The following CSMD1 variants were observed in gnomAD, a reference collection of about 807,000 sequenced individuals.
The protein encoded by CSMD1 is CUB and Sushi multiple domains 1, also known as CUB and sushi domain-containing protein 1.
In CSMD1, 213 loss-of-function variants were observed where a neutral mutation model predicts 417.5. The ratio of observed to expected loss-of-function variants is 0.51; its 90% CI spans 0.46 to 0.57. CSMD1 has a LOEUF of 0.57. Among genes scored for constraint, CSMD1 ranks in the 20% least tolerant of loss-of-function variants. The probability of loss-of-function intolerance (pLI) is 0.00; values close to 1 mark genes in which losing one functional copy is unlikely to be tolerated. For missense variants in CSMD1, 6,923 were observed against 4,529.7 expected, an observed-to-expected ratio of 1.53 and a Z score of -15.17; for synonymous variants, 2,862 against 1,736.8, an observed-to-expected ratio of 1.65 and a Z score of -16.11.
At chr8:4,469,102 T>C (rs1181296832) in intron 2 of CSMD1, among the ~76,000 whole-genome samples, 1 of 151,684 alleles carries the variant, frequency 6.6e-6, no homozygotes, top group Non-Finnish European at 1.5e-5. Flanking sequence ...GTTTGAAGAG[T>C]TTGGTGTGGC....
chr8:4,603,990 C>G (rs920033640), intron 2 of CSMD1, among the ~76,000 whole-genome samples: 2 of 151,998 alleles, frequency 1.3e-5, no homozygotes, highest in South Asian at 4.1e-4. Flanking sequence ...ATGTTATAAT[C>G]TATTCACTAT....
chr8:4,113,741 G>T (rs969159511), intron 3 of CSMD1, among the ~76,000 whole-genome samples: 1 of 152,122 alleles, frequency 6.6e-6, no homozygotes, highest in African/African-American at 2.4e-5. Context: ...AGAAGAAAAT[G>T]AAACAGCCTT....
chr8:3,537,294 T>C (rs953170586), intron 10 of CSMD1, among the ~76,000 whole-genome samples: 1 of 152,216 alleles, frequency 6.6e-6, no homozygotes, highest in Non-Finnish European at 1.5e-5. Context: ...TGAGCCATCA[T>C]GCCCGGCCCG....
intron 2 of CSMD1, among the ~76,000 whole-genome samples, chr8:4,515,658 C>G (rs915685947): frequency 1.1e-4 from 17 of 152,140 alleles, no homozygotes; most frequent in African/African-American, 3.9e-4. Context: ...CGGATTCCCT[C>G]TAGGGTGTTT....
intron 10 of CSMD1, among the ~76,000 whole-genome samples, chr8:3,572,230 G>C (rs1799974607): frequency 6.6e-6 from 1 of 152,152 alleles, no homozygotes; most frequent in Non-Finnish European, 1.5e-5. Context: ...TCCAAGTGGG[G>C]CTGTGTCAAA....
At chr8:3,818,205 A>G (rs1801505431) in intron 5 of CSMD1, among the ~76,000 whole-genome samples, 1 of 151,920 alleles carries the variant, frequency 6.6e-6, no homozygotes, top group Non-Finnish European at 1.5e-5. Flanking sequence ...CTGCTCCTCC[A>G]TGAAAACGCA....
intron 1 of CSMD1, among the ~76,000 whole-genome samples, chr8:4,772,578 A>C (rs778539536): frequency 6.6e-6 from 1 of 152,230 alleles, no homozygotes; most frequent in Non-Finnish European, 1.5e-5. Flanking sequence ...GTATTGAAAA[A>C]TATCAAAGTG....
At chr8:4,422,755 C>T (rs1022802499) in intron 2 of CSMD1, among the ~76,000 whole-genome samples, 1 of 152,050 alleles carries the variant, frequency 6.6e-6, no homozygotes, top group Admixed American at 6.6e-5. Context: ...AATAATGTCT[C>T]TCATGCATAT....
intron 1 of CSMD1, among the ~76,000 whole-genome samples, chr8:4,883,406 G>A (rs538486239): frequency 1.3e-4 from 20 of 152,084 alleles, no homozygotes; most frequent in Non-Finnish European, 2.4e-4. Flanking sequence ...ATATTGAAAT[G>A]CAAGATCATC....
At chr8:4,236,138 G>T (rs1423685435) in intron 3 of CSMD1, among the ~76,000 whole-genome samples, 3 of 146,068 alleles carry the variant, frequency 2.1e-5, no homozygotes, top group African/African-American at 7.8e-5. Context: ...TAAAAACACC[G>T]TATGTTATCA....
At chr8:4,956,970 C>T (rs1383319713) in intron 1 of CSMD1, among the ~76,000 whole-genome samples, 1 of 152,164 alleles carries the variant, frequency 6.6e-6, no homozygotes, top group Non-Finnish European at 1.5e-5. Context: ...GGAAGCCTAA[C>T]CATGCTCCTG....
intron 5 of CSMD1, among the ~76,000 whole-genome samples, chr8:3,905,967 T>C (rs980846421): frequency 6.6e-6 from 1 of 152,216 alleles, no homozygotes; most frequent in Non-Finnish European, 1.5e-5. Context: ...TTTGATTTTA[T>C]CAAACCTGTT....
intron 2 of CSMD1, among the ~76,000 whole-genome samples, chr8:4,596,454 A>G (rs1800283061): frequency 6.6e-6 from 1 of 152,198 alleles, no homozygotes; most frequent in South Asian, 2.1e-4. Flanking sequence ...ATCATTATGC[A>G]AATAATTTTC....
chr8:3,358,725 C>T (rs1446742933), intron 21 of CSMD1, among the ~76,000 whole-genome samples: 2 of 152,150 alleles, frequency 1.3e-5, no homozygotes, highest in African/African-American at 4.8e-5. Context: ...CCACTGACAA[C>T]AAAAACAAAA....
intron 18 of CSMD1, among the ~76,000 whole-genome samples, chr8:3,379,763 A>G (rs1810519352): frequency 6.6e-6 from 1 of 152,218 alleles, no homozygotes; most frequent in Admixed American, 6.5e-5. Flanking sequence ...TGGATTAAAG[A>G]CTTAAACATA....
At chr8:4,082,980 T>G (rs28885701) in intron 3 of CSMD1, among the ~76,000 whole-genome samples, 29,505 of 151,850 alleles carry the variant, frequency 0.19, 2,978 homozygotes, top group South Asian at 0.34. Flanking sequence ...CTCCATGGTG[T>G]ATATGTGCCA....
At chr8:3,801,024 G>T (rs1189171605) in intron 5 of CSMD1, among the ~76,000 whole-genome samples, 5 of 151,152 alleles carry the variant, frequency 3.3e-5, no homozygotes, top group African/African-American at 1.2e-4. Context: ...TTTGAAAAAA[G>T]CAAAAGAGTA....
At chr8:3,397,742 C>T (rs543666504) in intron 16 of CSMD1, among the ~76,000 whole-genome samples, 1 of 152,200 alleles carries the variant, frequency 6.6e-6, no homozygotes, top group Non-Finnish European at 1.5e-5. Flanking sequence ...TGAGGACTGA[C>T]AAAGTGCCTA....
chr8:4,993,002 G>T (rs1006114049), intron 1 of CSMD1, among the ~76,000 whole-genome samples: 3 of 152,194 alleles, frequency 2.0e-5, no homozygotes, highest in Non-Finnish European at 2.9e-5. Context: ...TGCAGGGAGG[G>T]GAAGCCCAGG....
Sources: gnomAD v4.1 joint callset for allele counts (sites outside exome capture counted in the v4.1 genomes callset) on GRCh38, gnomAD v4.1.1 for gene constraint, MANE v1.5 for transcripts, NCBI Gene and HGNC (gene_info 2026-07-23, HGNC 2026-07-21) for gene names.